SUMF1: variants seen among roughly 807,000 people sequenced by gnomAD.
SUMF1 encodes the protein sulfatase modifying factor 1, also known as formylglycine-generating enzyme.
A neutral mutation model predicts 47.6 loss-of-function variants in SUMF1; 48 were observed. The observed-to-expected ratio is 1.01, with a 90% CI of 0.80 to 1.28. The LOEUF (loss-of-function observed/expected upper bound fraction) is 1.28. Among genes scored for constraint, SUMF1 ranks in the 50% most tolerant of loss-of-function variants. The pLI, the probability that SUMF1 is intolerant of heterozygous loss-of-function variation, is 0.00. For missense variants in SUMF1, 571 were observed against 485.4 expected (o/e 1.18, Z -1.66); for synonymous variants, 230 against 192.1 (o/e 1.20, Z -1.63).
In SUMF1 at chr3:4,222,778, C is replaced by T. The variant is rs112474437; in HGVS notation, c.1014+153552G>A. The stretch of plus-strand genomic sequence containing the variant: ...ACATAATTTATTACCCACAGGATTC[C>T]TGAGTCATTGCCGCTGGGTGAGGAA... On this transcript the variant is annotated intron_variant and NMD_transcript_variant, in intron 8 of 12. Coordinates refer to the SUMF1 transcript ENST00000448413. Among the ~76,000 whole-genome samples the T allele has an allele frequency of 3.1e-3, 470 of 152,188 alleles. 2 individuals are homozygous for T. The highest frequency in any genetic ancestry group is 0.011 in the African/African-American group (439 of 41,536).
intron 7 of SUMF1, among the ~76,000 whole-genome samples, chr3:4,383,590 A>G (rs1305807980): frequency 6.6e-6 from 1 of 152,222 alleles, no homozygotes; most frequent in Non-Finnish European, 1.5e-5. Flanking sequence ...GTCTCAGAAG[A>G]TGACAGAAGG....
In SUMF1 at chr3:4,135,981, C is replaced by A. The variant is rs529525475; in HGVS notation, c.1015-67236G>T. On this transcript the variant is annotated intron_variant and NMD_transcript_variant, in intron 8 of 12. Coordinates refer to the SUMF1 transcript ENST00000448413. ...CTGCTCAATGAAATAAAAGAGGATA[C>A]AAACAAATGGAAGAACATTCCATGC... 4.6e-5 allele frequency among the ~76,000 whole-genome samples: 7 copies of A among 152,140 alleles called. No individual in the cohort carries two copies. In the East Asian group the frequency reaches 1.2e-3, roughly 25 times the overall value.
intron 3 of SUMF1, 57 bp downstream of exon 3, chr3:4,449,209 C>A: frequency 6.2e-7 from 1 of 1,601,218 alleles, no homozygotes; most frequent in South Asian, 1.1e-5. Context: ...ATTTTTCACC[C>A]AAACCCTTTT....
At chr3:4,173,670 A>G (rs1405012321) in intron 8 of SUMF1, among the ~76,000 whole-genome samples, 1 of 152,224 alleles carries the variant, frequency 6.6e-6, no homozygotes, top group Admixed American at 6.5e-5. Context: ...AAAATGTGGC[A>G]CATATACACC....
intron 8 of SUMF1, among the ~76,000 whole-genome samples, chr3:4,202,827 A>G (rs866896781): frequency 2.6e-5 from 4 of 151,916 alleles, no homozygotes; most frequent in African/African-American, 9.6e-5. Flanking sequence ...TAATTTCTTC[A>G]TTGGCCCATT....
chr3:4,216,694 G>C (rs1257377215), intron 8 of SUMF1, among the ~76,000 whole-genome samples: 1 of 152,120 alleles, frequency 6.6e-6, no homozygotes, highest in Non-Finnish European at 1.5e-5. Context: ...CCATCAAAAA[G>C]TGGGCAAAGG....
At chr3:4,037,581 T>A (rs746040171) in intron 9 of SUMF1, among the ~76,000 whole-genome samples, 30 of 152,212 alleles carry the variant, frequency 2.0e-4, no homozygotes, top group Non-Finnish European at 5.9e-5. Flanking sequence ...CTTAGTTTCC[T>A]TTGATTGGAT....
intron 8 of SUMF1, among the ~76,000 whole-genome samples, chr3:4,076,720 C>T (rs186519413): frequency 1.3e-4 from 20 of 152,214 alleles, no homozygotes; most frequent in Admixed American, 1.2e-3. Context: ...AAGACACTGG[C>T]CGGGCGTGGT....
chr3:4,409,378 T>C (rs1020888194), intron 7 of SUMF1, among the ~76,000 whole-genome samples: 7 of 152,262 alleles, frequency 4.6e-5, no homozygotes, highest in African/African-American at 4.8e-5. Flanking sequence ...ACATCCAGGA[T>C]AAAGCCTGGG....
At chr3:4,063,078 T>G (rs1230363762) in intron 9 of SUMF1, among the ~76,000 whole-genome samples, 3 of 152,154 alleles carry the variant, frequency 2.0e-5, no homozygotes, top group African/African-American at 7.2e-5. Context: ...AAGCATTTAT[T>G]GACATCTTTA....
intron 8 of SUMF1, among the ~76,000 whole-genome samples, chr3:4,074,917 A>T (rs2125040015): frequency 6.6e-6 from 1 of 152,242 alleles, no homozygotes; most frequent in South Asian, 2.1e-4. Flanking sequence ...CCAGACGTAC[A>T]AAAAGGAGCA....
chr3:4,187,006 C>T (rs535668223), intron 8 of SUMF1, among the ~76,000 whole-genome samples: 1 of 152,270 alleles, frequency 6.6e-6, no homozygotes, highest in East Asian at 1.9e-4. Context: ...TTATGCAATA[C>T]ATTCAGGACC....
chr3:4,255,104 C>T (rs1696918322), intron 8 of SUMF1, among the ~76,000 whole-genome samples: 1 of 150,320 alleles, frequency 6.7e-6, no homozygotes, highest in Admixed American at 6.6e-5. Flanking sequence ...TAAAAGAGCT[C>T]CTGAAGGAAG....
chr3:4,187,457 T>C (rs906311225), intron 8 of SUMF1, among the ~76,000 whole-genome samples: 2 of 152,196 alleles, frequency 1.3e-5, no homozygotes, highest in African/African-American at 4.8e-5. Context: ...TTCAGAGGAC[T>C]GTGGGCTTCT....
Position 4,368,132 on chromosome 3 carries a change from A to C in SUMF1, c.1015-5878T>G, listed in dbSNP as rs561479236. On this transcript the variant is annotated intron_variant, in intron 8 of 8. Transcript: ENST00000272902. ...TAGAATCTACAATGAAGTCTAACAAATTTACAAGAAAAAAACAAACAACCC... is the reference window on the plus strand; with the variant it reads ...TAGAATCTACAATGAAGTCTAACAACTTTACAAGAAAAAAACAAACAACCC... 5.9e-5 allele frequency among the ~76,000 whole-genome samples: 9 copies of C among 152,336 alleles called. No homozygotes were observed. The South Asian group carries it at 1.9e-3, about 32-fold the overall frequency.
chr3:4,211,730 G>C (rs1431402902), intron 8 of SUMF1, among the ~76,000 whole-genome samples: 1 of 152,080 alleles, frequency 6.6e-6, no homozygotes, highest in African/African-American at 2.4e-5. Context: ...ATCCTCACCA[G>C]ATTGGCTAAA....
chr3:4,036,544 G>C (rs1357311689), intron 9 of SUMF1, among the ~76,000 whole-genome samples: 1 of 151,650 alleles, frequency 6.6e-6, no homozygotes, highest in Non-Finnish European at 1.5e-5. Flanking sequence ...CTGAGTGAAG[G>C]CTGCTGCAGG....
chr3:4,053,890 C>T (rs1462016759), intron 9 of SUMF1, among the ~76,000 whole-genome samples: 2 of 152,036 alleles, frequency 1.3e-5, no homozygotes, highest in African/African-American at 4.8e-5. Context: ...AAAAACATAA[C>T]ACCTATGAAG....
intron 8 of SUMF1, among the ~76,000 whole-genome samples, chr3:4,282,852 A>C (rs1322263789): frequency 6.6e-6 from 1 of 152,162 alleles, no homozygotes; most frequent in African/African-American, 2.4e-5. Context: ...AACTCCAAAA[A>C]TGTCTTCATT....
Sources: allele counts gnomAD v4.1 joint callset (sites outside exome capture counted in the v4.1 genomes callset), GRCh38; gene constraint gnomAD v4.1.1; transcripts MANE v1.5; gene names NCBI Gene and HGNC (gene_info 2026-07-23, HGNC 2026-07-21).